Variants in PCDHA10 observed in about 807,000 individuals in gnomAD.
PCDHA10 encodes the protein protocadherin alpha 10.
In PCDHA10, 45 loss-of-function variants were observed where a neutral mutation model predicts 61.2. The observed-to-expected ratio is 0.74, with a 90% confidence interval of 0.58 to 0.94. The LOEUF is 0.94. PCDHA10 is among the 40% of genes least tolerant of loss of function. The pLI is 0.00. For missense variants in PCDHA10, 1,278 were observed against 1,236.2 expected, an observed-to-expected ratio of 1.03 and a Z score of -0.51; for synonymous variants, 602 against 548.8, an observed-to-expected ratio of 1.10 and a Z score of -1.35.
At position 140,971,106 on chromosome 5, in the gene PCDHA10, G is replaced by T. The variant is rs529915701; in HGVS notation, c.2389-7843G>T. Among the ~76,000 whole-genome samples, 46 of 152,304 alleles carry T rather than the reference G, an allele frequency of 3.0e-4. No homozygotes were observed. In the South Asian group the frequency reaches 4.1e-3, roughly 14 times the overall value. ...AACAAATTCTTGTGAAGCCCTTTGG[G>T]ATTGGGGTGGGCTACAGGTGGTGAA... is the stretch of plus-strand genomic sequence containing the variant. On this transcript the variant is annotated intron_variant, in intron 1 of 3. Transcript: ENST00000307360.
Position 141,000,361 on chromosome 5 carries a change from G to GTCTCTCTC in PCDHA10, c.2537-9238_2537-9231dup, listed in dbSNP as rs148596731. 4.9e-4 allele frequency among the ~76,000 whole-genome samples: 13 copies of GTCTCTCTC among 26,444 alleles called. No individual in the cohort carries two copies. In the East Asian group the frequency reaches 6.3e-3, roughly 13 times the overall value. The allele number at this position is 26,444 out of a possible 152,430, so 17.3% of individuals were successfully genotyped here. A position where few individuals can be genotyped will look rare whatever the true frequency, so the allele number is the denominator to read the frequency against. ...CCTATCTCTCTCTCTGTCTCTCTCT[G>GTCTCTCTC]TCTCTCTCTCTCTCTCTCTCTCTCT... is the stretch of plus-strand genomic sequence containing the variant. On this transcript the variant is annotated intron_variant, in intron 3 of 3. Coordinates refer to ENST00000307360, the MANE Select transcript of PCDHA10 (RefSeq NM_018901.4).
At chr5:140,914,426 A>T (rs1554196349) in intron 1 of PCDHA10, among the ~76,000 whole-genome samples, 1 of 152,140 alleles carries the variant, frequency 6.6e-6, no homozygotes. Context: ...TTAGCAAGGA[A>T]TATCTTTTCC....
chr5:140,974,618 T>C (rs781783540), intron 1 of PCDHA10, among the ~76,000 whole-genome samples: 1 of 152,086 alleles, frequency 6.6e-6, no homozygotes, highest in Non-Finnish European at 1.5e-5. Context: ...TTCAAGCGAT[T>C]CTCCTGCCTC....
At chr5:140,885,809 T>G (rs1208963596) in intron 1 of PCDHA10, among the ~76,000 whole-genome samples, 1 of 152,320 alleles carries the variant, frequency 6.6e-6, no homozygotes, top group African/African-American at 2.4e-5. Flanking sequence ...ATTTTGTTGA[T>G]TTGTATTTGA....
chr5:140,966,710 G>A, intron 1 of PCDHA10: 1 of 1,391,664 alleles, frequency 7.2e-7, no homozygotes, highest in Non-Finnish European at 9.3e-7. Flanking sequence ...GTGGGGCACG[G>A]CTGGGGAAGC....
At chr5:140,859,799 T>C (rs2046021191) in intron 1 of PCDHA10, 1 of 152,502 alleles carries the variant, frequency 6.6e-6, no homozygotes. Flanking sequence ...AAATTATAGA[T>C]GCTAAGTTAA....
chr5:140,981,974 A>G (rs782298715), intron 2 of PCDHA10, among the ~76,000 whole-genome samples: 6 of 152,232 alleles, frequency 3.9e-5, no homozygotes, highest in Non-Finnish European at 8.8e-5. Context: ...AGATATAGAA[A>G]GAGTAAAATA....
intron 1 of PCDHA10, chr5:140,877,501 A>T: frequency 6.2e-7 from 1 of 1,613,804 alleles, no homozygotes; most frequent in Non-Finnish European, 8.5e-7. Flanking sequence ...CCAGGCCCCA[A>T]AGACGTCGTC....
At chr5:140,913,987 T>C (rs562066581) in intron 1 of PCDHA10, among the ~76,000 whole-genome samples, 5 of 152,318 alleles carry the variant, frequency 3.3e-5, no homozygotes, top group African/African-American at 1.2e-4. Context: ...ACTTGTATTG[T>C]GACTAGCATA....
chr5:140,983,378 G>A (rs782292944), intron 3 of PCDHA10, among the ~76,000 whole-genome samples: 1 of 152,162 alleles, frequency 6.6e-6, no homozygotes, highest in Non-Finnish European at 1.5e-5. Flanking sequence ...GAGGCCCATC[G>A]CTGTGGCAGT....
chr5:140,934,172 G>A (rs781789188), intron 1 of PCDHA10, among the ~76,000 whole-genome samples: 47 of 152,018 alleles, frequency 3.1e-4, no homozygotes, highest in Non-Finnish European at 6.6e-4. Flanking sequence ...TGCAACAGAA[G>A]TACTCTAAAC....
intron 3 of PCDHA10, among the ~76,000 whole-genome samples, chr5:140,993,229 C>T (rs1396962894): frequency 6.6e-6 from 1 of 152,092 alleles, no homozygotes; most frequent in Non-Finnish European, 1.5e-5. Flanking sequence ...GGTATGTTCT[C>T]TCTGAATCTG....
intron 3 of PCDHA10, 75 bp from the exon 4 acceptor site, chr5:141,009,552 C>T: frequency 6.4e-7 from 1 of 1,562,176 alleles, no homozygotes; most frequent in Non-Finnish European, 8.7e-7. Context: ...TGCAGTACTC[C>T]TGTACTCTAC....
chr5:140,873,441 TAAC>T (rs1439420468), intron 1 of PCDHA10, among the ~76,000 whole-genome samples: 3 of 152,200 alleles, frequency 2.0e-5, no homozygotes, highest in Non-Finnish European at 2.9e-5. Context: ...ATCACATAAA[TAAC>T]AAATTTGCAT....
intron 1 of PCDHA10, among the ~76,000 whole-genome samples, chr5:140,947,975 A>G (rs572156919): frequency 5.8e-4 from 87 of 150,726 alleles, no homozygotes; most frequent in African/African-American, 1.9e-3. Context: ...TGTGCTACTC[A>G]TAGGTTTTTC....
chr5:140,954,895 A>G (rs782412576), intron 1 of PCDHA10, among the ~76,000 whole-genome samples: 66 of 152,096 alleles, frequency 4.3e-4, no homozygotes, highest in African/African-American at 1.4e-3. Context: ...TAGGGTTTTT[A>G]TAGTTTCATA....
chr5:140,944,799 G>A (rs1160069845), intron 1 of PCDHA10, among the ~76,000 whole-genome samples: 2 of 152,090 alleles, frequency 1.3e-5, no homozygotes, highest in Non-Finnish European at 2.9e-5. Flanking sequence ...CAAGTCTGTC[G>A]AGGGTCCACA....
chr5:140,873,431 A>G (rs1395359965), intron 1 of PCDHA10, among the ~76,000 whole-genome samples: 1 of 152,228 alleles, frequency 6.6e-6, no homozygotes, highest in African/African-American at 2.4e-5. Context: ...ATTATTTTAT[A>G]TCACATAAAT....
At chr5:140,976,403 TA>T (rs1469780321) in intron 1 of PCDHA10, among the ~76,000 whole-genome samples, 1 of 151,936 alleles carries the variant, frequency 6.6e-6, no homozygotes, top group Non-Finnish European at 1.5e-5. Flanking sequence ...ATTCAAAAAT[TA>T]GCCAGGTACG....
Sources: gnomAD v4.1 joint callset for allele counts (sites outside exome capture counted in the v4.1 genomes callset) on GRCh38, gnomAD v4.1.1 for gene constraint, MANE v1.5 for transcripts, NCBI Gene and HGNC (gene_info 2026-07-23, HGNC 2026-07-21) for gene names.